Variants in CYP2B6 observed in about 807,000 individuals in gnomAD.
The protein encoded by CYP2B6 is cytochrome P450 2B6.
Under a neutral mutation model 43.4 loss-of-function variants are expected in CYP2B6, and 35 were observed. That is an observed-to-expected ratio of 0.81 (90% CI 0.62 to 1.07). CYP2B6 has a LOEUF of 1.07. Ranked by LOEUF, CYP2B6 falls within the 50% of genes least tolerant of loss-of-function variation. The probability of loss-of-function intolerance (pLI) is 0.00; values close to 1 mark genes in which losing one functional copy is unlikely to be tolerated. For missense variants in CYP2B6, 624 were observed against 632.8 expected (o/e 0.99, Z 0.15); for synonymous variants, 239 against 239.2 (o/e 1.00, Z 0.01).
chr19:41,001,710 G>C (rs1431420985), intron 1 of CYP2B6, among the ~76,000 whole-genome samples: 1 of 152,064 alleles, frequency 6.6e-6, no homozygotes, highest in Admixed American at 6.5e-5. Context: ...AATTCACTGG[G>C]CACTTTCTAT....
chr19:41,012,036 C>T (rs148084550), intron 6 of CYP2B6, among the ~76,000 whole-genome samples: 140 of 152,218 alleles, frequency 9.2e-4, no homozygotes, highest in African/African-American at 3.3e-3. Flanking sequence ...GCAACCTCCA[C>T]CTCCTGGGTT....
chr19:41,006,055 A>T (rs1166291719), intron 3 of CYP2B6, among the ~76,000 whole-genome samples: 1 of 152,122 alleles, frequency 6.6e-6, no homozygotes, highest in Non-Finnish European at 1.5e-5. Flanking sequence ...TACAGGTATC[A>T]CTTAACAAGT....
rs1435601876 is a variant in CYP2B6, at chr19:41,004,142, G to A, written c.313G>A (p.Asp105Asn). 2.9e-6 allele frequency: 4 copies of A among 1,377,538 alleles called. No individual in the cohort carries two copies. The highest frequency in any genetic ancestry group is 2.0e-4 in the Middle Eastern group (1 of 4,902). 85.3% of individuals were successfully genotyped at this position (1,377,538 alleles called of 1,614,324 possible). A position where few individuals can be genotyped will look rare whatever the true frequency, so the allele number is the denominator to read the frequency against. The change falls in exon 2 of 9, where the codon GAC (aspartate) becomes AAC (asparagine). Residue 105 changes from aspartate (D) to asparagine (N), a missense_variant. Physicochemically the swap from Asp to Asn is conservative, Grantham distance 23. Coordinates refer to ENST00000324071, the MANE Select transcript of CYP2B6 (RefSeq NM_000767.5). Reference protein sequence around the residue: ...FSGRGKIAMVDPFFRGYGVIF... With the variant: ...FSGRGKIAMVNPFFRGYGVIF... ...TGGCCGGGGAAAAATCGCCATGGTC[G>A]ACCCATTCTTCCGGGGATATGGTGA...
intron 1 of CYP2B6, among the ~76,000 whole-genome samples, chr19:40,992,679 C>T (rs1234127924): frequency 6.6e-6 from 1 of 151,970 alleles, no homozygotes; most frequent in Non-Finnish European, 1.5e-5. Context: ...GCCACCACGC[C>T]CAGCTAATTT....
At chr19:41,015,437 A>G (rs372532667) in intron 8 of CYP2B6, among the ~76,000 whole-genome samples, 17 of 152,290 alleles carry the variant, frequency 1.1e-4, no homozygotes, top group South Asian at 8.3e-4. Context: ...CAACAACTTG[A>G]CAGGCATAGG....
Position 41,016,433 on chromosome 19 carries a change from A to AAGAGAGAGAG in CYP2B6, c.1295-209_1295-200dup, listed in dbSNP as rs1555793763. Among the ~76,000 whole-genome samples, 43 of 99,000 alleles carry AAGAGAGAGAG rather than the reference A, an allele frequency of 4.3e-4. 1 individual carries two copies. Among genetic ancestry groups the AAGAGAGAGAG allele is most frequent in the African/African-American group, 1.6e-3 (39 of 23,968 alleles). The allele number at this position is 99,000 out of a possible 152,430, so 64.9% of individuals were successfully genotyped here. On this transcript the variant is annotated intron_variant, in intron 8 of 8. Transcript: ENST00000324071. ...AAAAAAAAAAAAAAAAAAAAAAAAA[A>AAGAGAGAGAG]AGAGAGAGAGAGAAATGAACGTGGC...
In CYP2B6 at chr19:41,012,713, G is replaced by T; in HGVS notation, c.1192G>T (p.Asp398Tyr). The T allele has an allele frequency of 1.9e-6, 3 of 1,614,044 alleles. No homozygotes were observed. The highest frequency in any genetic ancestry group is 2.5e-6 in the Non-Finnish European group (3 of 1,180,014). ...VFLILSTALH[D>Y]PHYFEKPDAF... is the part of the protein sequence containing the mutation. ...TCTCATCCTGAGCACTGCTCTCCATGACCCACACTACTTTGAAAAACCAGA... is the reference window on the plus strand; with the variant it reads ...TCTCATCCTGAGCACTGCTCTCCATTACCCACACTACTTTGAAAAACCAGA... Residue 398 changes from aspartate (D) to tyrosine (Y), a missense_variant, in exon 8 of 9, where the codon GAC (aspartate) becomes TAC (tyrosine). Physicochemically the swap from Asp to Tyr is radical, Grantham distance 160 (BLOSUM62 -3). Transcript: ENST00000324071.
At chr19:40,994,463 T>C (rs1968970244) in intron 1 of CYP2B6, among the ~76,000 whole-genome samples, 1 of 152,120 alleles carries the variant, frequency 6.6e-6, no homozygotes, top group Non-Finnish European at 1.5e-5. Context: ...GCTGCGAAGG[T>C]GCATAACCAC....
chr19:41,012,816 G>A lies in CYP2B6; in HGVS notation c.1294+1G>A. 3.7e-6 allele frequency: 6 copies of A among 1,614,060 alleles called. No homozygotes were observed. Among genetic ancestry groups the A allele is most frequent in the Non-Finnish European group, 5.1e-6 (6 of 1,180,014 alleles). ...GAAGCTTTTATCCCCTTCTCCTTAG[G>A]TAAGCTGGACCCACAATTTCTTTCC... On this transcript the variant is annotated splice_donor_variant, in intron 8 of 8. Transcript: ENST00000324071. LOFTEE classifies it high-confidence loss of function.
chr19:41,001,998 CA>C (rs779892617), intron 1 of CYP2B6, among the ~76,000 whole-genome samples: 4 of 151,658 alleles, frequency 2.6e-5, no homozygotes, highest in Admixed American at 1.3e-4. Context: ...TAGAAGGAGG[CA>C]GGGGTGGCTA....
chr19:40,998,991 A>G (rs931064766), intron 1 of CYP2B6, among the ~76,000 whole-genome samples: 1 of 137,062 alleles, frequency 7.3e-6, no homozygotes, highest in African/African-American at 2.8e-5. Flanking sequence ...ATCCCTGAGG[A>G]ATCGCCACAC....
intron 1 of CYP2B6, among the ~76,000 whole-genome samples, chr19:41,000,971 G>A (rs896221134): frequency 2.0e-5 from 3 of 151,974 alleles, no homozygotes; most frequent in East Asian, 1.9e-4. Context: ...CCCAGGAGGC[G>A]GAGTTTGCCC....
rs148289227 is a variant in CYP2B6, at chr19:41,001,785, G to A, written c.172-2216G>A. Among the ~76,000 whole-genome samples, 305 of 152,240 alleles carry A rather than the reference G, an allele frequency of 2.0e-3. 4 individuals carry two copies. Among genetic ancestry groups the A allele is most frequent in the African/African-American group, 6.9e-3 (288 of 41,504 alleles). Reference sequence around the variant, plus strand: ...TGGACAAGACATACGAGGTCACTGCGCTTATGGACATTCCATTGGCAGAGA... The same window carrying A: ...TGGACAAGACATACGAGGTCACTGCACTTATGGACATTCCATTGGCAGAGA... On this transcript the variant is annotated intron_variant, in intron 1 of 8. Coordinates refer to ENST00000324071, the MANE Select transcript of CYP2B6 (RefSeq NM_000767.5).
At chr19:41,015,999 T>C (rs1247428109) in intron 8 of CYP2B6, among the ~76,000 whole-genome samples, 1 of 149,804 alleles carries the variant, frequency 6.7e-6, no homozygotes, top group Non-Finnish European at 1.5e-5. Context: ...CATGTACAGG[T>C]ACACACACAC....
chr19:41,009,989 C>A lies in CYP2B6; in HGVS notation c.823-5C>A, dbSNP rs374642809. On this transcript the variant is annotated splice_polypyrimidine_tract_variant and splice_region_variant and intron_variant, in intron 5 of 8. Transcript: ENST00000324071. ...CCTCCCCTTCCTTCCCTACTGTGGA[C>A]GCAGGAGAAATCCAACGCACACAGT... is the stretch of plus-strand genomic sequence containing the variant. The A allele has an allele frequency of 1.6e-5, 26 of 1,613,952 alleles. No homozygotes were observed. The highest frequency in any genetic ancestry group is 1.3e-5 in the African/African-American group (1 of 74,898).
chr19:41,001,368 A>G (rs538762309), intron 1 of CYP2B6, among the ~76,000 whole-genome samples: 2 of 152,170 alleles, frequency 1.3e-5, no homozygotes, highest in South Asian at 4.2e-4. Flanking sequence ...ATCTATTATG[A>G]TTGCATCTCT....
intron 4 of CYP2B6, among the ~76,000 whole-genome samples, chr19:41,007,942 G>A (rs1345299462): frequency 6.6e-6 from 1 of 151,886 alleles, no homozygotes; most frequent in African/African-American, 2.4e-5. Flanking sequence ...TGGTTCTTCT[G>A]TATCCTTGCT....
intron 1 of CYP2B6, 106 bp downstream of exon 1, chr19:40,991,582 AC>A: frequency 8.0e-7 from 1 of 1,251,396 alleles, no homozygotes. Flanking sequence ...CAGGGGTGGC[AC>A]GGGCATGGTT....
chr19:41,017,023 T>C lies in CYP2B6; in HGVS notation c.*196T>C, dbSNP rs1375731791. The C allele has an allele frequency of 1.8e-6, 1 of 551,282 alleles. No homozygotes were observed. The highest frequency in any genetic ancestry group is 3.2e-6 in the Non-Finnish European group (1 of 308,926). 34.1% of individuals were successfully genotyped at this position (551,282 alleles called of 1,614,324 possible). ...GGAGTGAGATTATCGAAAATTATAA[T>C]ATACAAAATCATATATATATATATG... On this transcript the variant is annotated 3_prime_UTR_variant, in exon 9 of 9. Coordinates refer to ENST00000324071, the MANE Select transcript of CYP2B6 (RefSeq NM_000767.5).
Sources: allele counts gnomAD v4.1 joint callset (sites outside exome capture counted in the v4.1 genomes callset), GRCh38; gene constraint gnomAD v4.1.1; transcripts MANE v1.5; gene names NCBI Gene and HGNC (gene_info 2026-07-23, HGNC 2026-07-21).